Variants in C1orf87 observed in about 807,000 individuals in gnomAD.
C1orf87 encodes chromosome 1 open reading frame 87, also known as uncharacterized protein C1orf87.
In C1orf87, 58 loss-of-function variants were observed where a neutral mutation model predicts 60.5. The observed-to-expected ratio is 0.96, with a 90% confidence interval of 0.78 to 1.19. C1orf87 has a LOEUF of 1.19. Ranked by LOEUF, C1orf87 falls within the 50% of genes most tolerant of loss-of-function variation. The pLI, the probability that C1orf87 is intolerant of heterozygous loss-of-function variation, is 0.00. For missense variants in C1orf87, 673 were observed against 638.6 expected (o/e 1.05, Z -0.58); for synonymous variants, 236 against 227.4 (o/e 1.04, Z -0.34).
intron 2 of C1orf87, among the ~76,000 whole-genome samples, chr1:60,063,666 C>T (rs1645512209): frequency 6.6e-6 from 1 of 152,154 alleles, no homozygotes; most frequent in Non-Finnish European, 1.5e-5. Context: ...CCTTAGAATG[C>T]TCTTTCATCA....
chr1:60,064,899 CTAAA>C (rs1373881009), intron 2 of C1orf87, among the ~76,000 whole-genome samples: 2 of 71,502 alleles, frequency 2.8e-5, no homozygotes, highest in Admixed American at 4.7e-4. Context: ...AATATATATT[CTAAA>C]TATATAATAT....
chr1:60,024,715 A>AT (rs1200084603), intron 8 of C1orf87, among the ~76,000 whole-genome samples: 1 of 152,084 alleles, frequency 6.6e-6, no homozygotes, highest in Non-Finnish European at 1.5e-5. Context: ...CCCCATTCCT[A>AT]TGCAATAAGC....
intron 3 of C1orf87, among the ~76,000 whole-genome samples, chr1:60,042,921 C>T (rs1179260553): frequency 6.6e-6 from 1 of 152,142 alleles, no homozygotes; most frequent in Non-Finnish European, 1.5e-5. Context: ...GTCCATGGTC[C>T]ACCTGATCTG....
At chr1:60,038,447 A>G (rs1645294671) in intron 5 of C1orf87, among the ~76,000 whole-genome samples, 1 of 152,108 alleles carries the variant, frequency 6.6e-6, no homozygotes, top group African/African-American at 2.4e-5. Context: ...AAAATATCCT[A>G]AAGTGGCTAT....
chr1:60,026,247 G>C (rs1380769682), intron 7 of C1orf87, among the ~76,000 whole-genome samples: 1 of 152,136 alleles, frequency 6.6e-6, no homozygotes, highest in Non-Finnish European at 1.5e-5. Flanking sequence ...GACCTTATCT[G>C]AGCACAGATC....
intron 2 of C1orf87, among the ~76,000 whole-genome samples, chr1:60,058,378 AT>A (rs1207611847): frequency 8.5e-5 from 13 of 152,210 alleles, no homozygotes; most frequent in African/African-American, 3.1e-4. Flanking sequence ...TTGTATCTCT[AT>A]AAAGTATTAA....
intron 9 of C1orf87, among the ~76,000 whole-genome samples, chr1:60,006,615 CT>C (rs1410061257): frequency 6.6e-6 from 1 of 151,124 alleles, no homozygotes; most frequent in African/African-American, 2.4e-5. Flanking sequence ...TCTTCTTCTT[CT>C]CTCTTGTTCA....
intron 7 of C1orf87, among the ~76,000 whole-genome samples, chr1:60,028,038 T>C (rs1645212289): frequency 6.6e-6 from 1 of 152,098 alleles, no homozygotes; most frequent in East Asian, 1.9e-4. Flanking sequence ...CAATAATTAT[T>C]GAGTAAATGT....
intron 8 of C1orf87, among the ~76,000 whole-genome samples, chr1:60,021,818 G>A (rs1454798725): frequency 6.6e-6 from 1 of 152,226 alleles, no homozygotes; most frequent in African/African-American, 2.4e-5. Context: ...GAGACTAGCT[G>A]AAGGGGAACA....
intron 8 of C1orf87, among the ~76,000 whole-genome samples, chr1:60,015,489 A>G (rs1427707163): frequency 6.6e-6 from 1 of 152,210 alleles, no homozygotes; most frequent in African/African-American, 2.4e-5. Flanking sequence ...CATGGCTTAA[A>G]CAACAGAAAA....
At position 59,990,715 on chromosome 1, in the gene C1orf87, A is replaced by G. The variant is rs141637317; in HGVS notation, c.1599T>C (p.Asn533=). 4.1e-5 allele frequency: 66 copies of G among 1,614,000 alleles called. No individual in the cohort carries two copies. In the African/African-American group the frequency reaches 6.0e-4, roughly 15 times the overall value. The stretch of plus-strand genomic sequence containing the variant: ...ACCGCAGTGCTGGCTCCAAGAGCAT[A>G]TTTTCTCCCGAACGGAATCTGCGCA... The part of the protein sequence containing the change: ...QALRRFRSGE[N]MLLEPALRYL... Residue 533 remains asparagine (N), a synonymous_variant, in exon 12 of 12, where the codon AAT becomes AAC. Coordinates refer to ENST00000371201, the MANE Select transcript of C1orf87 (RefSeq NM_152377.3).
At chr1:60,046,091 TTCTC>T (rs557236856) in intron 3 of C1orf87, among the ~76,000 whole-genome samples, 2 of 151,604 alleles carry the variant, frequency 1.3e-5, no homozygotes, top group African/African-American at 4.8e-5. Flanking sequence ...CTTCCTGCTT[TTCTC>T]TCTTTTTTCC....
At chr1:60,059,213 A>T (rs1645477896) in intron 2 of C1orf87, among the ~76,000 whole-genome samples, 1 of 152,230 alleles carries the variant, frequency 6.6e-6, no homozygotes, top group Admixed American at 6.5e-5. Flanking sequence ...ACAAACTCAC[A>T]GTTCTTCCTC....
chr1:60,007,182 G>C (rs1268383534), intron 9 of C1orf87, among the ~76,000 whole-genome samples: 1 of 151,978 alleles, frequency 6.6e-6, no homozygotes, highest in Non-Finnish European at 1.5e-5. Flanking sequence ...AAAGTGTTAG[G>C]ACTATGGGTG....
intron 3 of C1orf87, among the ~76,000 whole-genome samples, chr1:60,042,531 T>A (rs961790545): frequency 2.0e-5 from 3 of 152,134 alleles, no homozygotes; most frequent in African/African-American, 7.2e-5. Context: ...CTCTCTAGAG[T>A]GAGCAGAGTG....
intron 9 of C1orf87, among the ~76,000 whole-genome samples, chr1:60,010,137 A>G (rs547353806): frequency 5.3e-5 from 8 of 152,018 alleles, no homozygotes; most frequent in Non-Finnish European, 1.2e-4. Flanking sequence ...TACTGCATTC[A>G]TCTATAAGGG....
chr1:60,043,939 C>A (rs1645346361), intron 3 of C1orf87, among the ~76,000 whole-genome samples: 1 of 152,190 alleles, frequency 6.6e-6, no homozygotes, highest in South Asian at 2.1e-4. Flanking sequence ...ATCCTTGACA[C>A]TACAGATACA....
intron 2 of C1orf87, among the ~76,000 whole-genome samples, chr1:60,066,100 T>C (rs887292377): frequency 3.3e-5 from 5 of 152,214 alleles, no homozygotes; most frequent in African/African-American, 1.2e-4. Context: ...TCCTCATCTT[T>C]TTGATAGTGG....
intron 2 of C1orf87, among the ~76,000 whole-genome samples, chr1:60,070,081 T>C (rs949001987): frequency 6.6e-6 from 1 of 152,168 alleles, no homozygotes; most frequent in Admixed American, 6.5e-5. Flanking sequence ...TATGGACAAT[T>C]TGACTTCAGA....
Sources: allele counts gnomAD v4.1 joint callset (sites outside exome capture counted in the v4.1 genomes callset), GRCh38; gene constraint gnomAD v4.1.1; transcripts MANE v1.5; gene names NCBI Gene and HGNC (gene_info 2026-07-23, HGNC 2026-07-21).